The following PPP3CC variants were observed in gnomAD, a reference collection of about 807,000 sequenced individuals.
The protein encoded by PPP3CC is protein phosphatase 3 catalytic subunit gamma.
In PPP3CC, 35 loss-of-function variants were observed where a neutral mutation model predicts 60.3. The observed-to-expected ratio is 0.58, with a 90% CI of 0.44 to 0.77. The LOEUF is 0.77. PPP3CC is among the 30% of genes least tolerant of loss of function. PPP3CC has a pLI of 0.00. For synonymous variants in PPP3CC, 206 were observed against 224.3 expected (o/e 0.92, Z 0.73); for missense variants, 570 against 628.9 (o/e 0.91, Z 1.00).
At chr8:22,473,624 C>T (rs771291142) in intron 1 of PPP3CC, among the ~76,000 whole-genome samples, 28 of 151,754 alleles carry the variant, frequency 1.8e-4, no homozygotes, top group African/African-American at 6.3e-4. Flanking sequence ...CCATCACACC[C>T]GGCTAATTTT....
At chr8:22,529,455 T>C (rs946586698) in intron 10 of PPP3CC, among the ~76,000 whole-genome samples, 1 of 152,204 alleles carries the variant, frequency 6.6e-6, no homozygotes, top group Non-Finnish European at 1.5e-5. Flanking sequence ...TGGCAATGTT[T>C]ATCTCTCTTT....
chr8:22,478,098 C>T (rs1177887636), intron 3 of PPP3CC, among the ~76,000 whole-genome samples: 1 of 152,048 alleles, frequency 6.6e-6, no homozygotes, highest in African/African-American at 2.4e-5. Flanking sequence ...GGTCCACCCA[C>T]CTTGGCCTCC....
intron 13 of PPP3CC, 138 bp downstream of exon 13, chr8:22,539,636 ATGTT>A: frequency 1.2e-6 from 1 of 844,794 alleles, no homozygotes; most frequent in Non-Finnish European, 1.8e-6. Context: ...GTTTCTAGGC[ATGTT>A]AACGAAGCAG....
Position 22,527,401 on chromosome 8 carries a change from T to C in PPP3CC, c.953T>C (p.Leu318Ser). 3 of 1,613,898 alleles carry C rather than the reference T, an allele frequency of 1.9e-6. No homozygotes were observed. Among genetic ancestry groups the C allele is most frequent in the Non-Finnish European group, 2.5e-6 (3 of 1,179,854 alleles). Residue 318 changes from leucine to serine, a missense_variant, in exon 9 of 14, where the codon TTG (leucine) becomes TCG (serine). Transcript: ENST00000240139. ...CTTTTTTCCTTTTTAGCTGCTGTGT[T>C]GAAATATGAAAACAATGTCATGAAT... ...LDVYNNKAAVLKYENNVMNIR... is the reference protein window; with the variant it reads ...LDVYNNKAAVSKYENNVMNIR...
At chr8:22,508,432 A>G (rs2469760) in intron 4 of PPP3CC, among the ~76,000 whole-genome samples, 74,688 of 152,036 alleles carry the variant, frequency 0.49, 18,530 homozygotes, top group East Asian at 0.6. Context: ...TTGAAAAAAT[A>G]AACATGGTGA....
intron 3 of PPP3CC, chr8:22,493,153 A>G: frequency 7.1e-7 from 1 of 1,416,396 alleles, no homozygotes; most frequent in Non-Finnish European, 9.9e-7. Context: ...TGAAGAAGTT[A>G]TTGGGAGCTG....
At chr8:22,462,579 T>TC (rs1837393394) in intron 1 of PPP3CC, among the ~76,000 whole-genome samples, 1 of 151,708 alleles carries the variant, frequency 6.6e-6, no homozygotes, top group African/African-American at 2.4e-5. Flanking sequence ...TTTTTTCTTT[T>TC]TTTTTTTTTG....
intron 3 of PPP3CC, among the ~76,000 whole-genome samples, chr8:22,481,976 A>C (rs1838083721): frequency 6.6e-6 from 1 of 152,154 alleles, no homozygotes; most frequent in African/African-American, 2.4e-5. Flanking sequence ...ACTATTGTGA[A>C]TAGTGCTGCA....
At position 22,472,164 on chromosome 8, in the gene PPP3CC, C is replaced by T. The variant is rs576437017; in HGVS notation, c.50-2790C>T. Among the ~76,000 whole-genome samples the T allele has an allele frequency of 1.8e-4, 28 of 151,926 alleles. No individual in the cohort carries two copies. The South Asian group carries it at 1.9e-3, about 10-fold the overall frequency. ...TTTTTTTCTTTAATAATATATTAAA[C>T]TTAGCTTACTGTTAAGTTTTTACTT... On this transcript the variant is annotated intron_variant, in intron 1 of 13. Transcript: ENST00000240139.
chr8:22,478,040 C>T (rs186875668), intron 3 of PPP3CC, among the ~76,000 whole-genome samples: 5 of 152,146 alleles, frequency 3.3e-5, no homozygotes, highest in African/African-American at 4.8e-5. Flanking sequence ...TTAGTAGAGA[C>T]GGGGTTTCAC....
intron 3 of PPP3CC, among the ~76,000 whole-genome samples, chr8:22,476,605 T>G (rs1563711625): frequency 6.6e-6 from 1 of 152,196 alleles, no homozygotes; most frequent in Non-Finnish European, 1.5e-5. Flanking sequence ...TTTAGTTTTC[T>G]GTTAGATAGG....
At chr8:22,458,336 G>C (rs28511282) in intron 1 of PPP3CC, among the ~76,000 whole-genome samples, 1 of 151,984 alleles carries the variant, frequency 6.6e-6, no homozygotes, top group Admixed American at 6.6e-5. Context: ...GGTGGCTCAC[G>C]CCTGTAATCC....
intron 1 of PPP3CC, among the ~76,000 whole-genome samples, chr8:22,470,047 G>A (rs1328351433): frequency 3.5e-5 from 5 of 144,834 alleles, no homozygotes; most frequent in African/African-American, 5.2e-5. Flanking sequence ...AAATATGGGT[G>A]ATATATATAT....
chr8:22,492,647 C>A, intron 3 of PPP3CC: 1 of 668,416 alleles, frequency 1.5e-6, no homozygotes, highest in Non-Finnish European at 2.7e-6. Context: ...CCAGGAAAGA[C>A]TTGCCAAACT....
At chr8:22,507,765 A>G (rs1441625020) in intron 4 of PPP3CC, among the ~76,000 whole-genome samples, 1 of 152,212 alleles carries the variant, frequency 6.6e-6, no homozygotes, top group Admixed American at 6.5e-5. Flanking sequence ...TATTATGACC[A>G]TAGATAAGGA....
At chr8:22,445,720 C>G (rs1836800776) in intron 1 of PPP3CC, among the ~76,000 whole-genome samples, 1 of 151,886 alleles carries the variant, frequency 6.6e-6, no homozygotes, top group African/African-American at 2.4e-5. Context: ...GATACAATAC[C>G]AACCCAGAAG....
intron 1 of PPP3CC, among the ~76,000 whole-genome samples, chr8:22,466,832 A>G (rs954910263): frequency 1.3e-5 from 2 of 151,964 alleles, no homozygotes; most frequent in African/African-American, 2.4e-5. Context: ...GCCTCAACCT[A>G]TTGGGTTCCA....
intron 4 of PPP3CC, among the ~76,000 whole-genome samples, chr8:22,498,930 C>G (rs1425609158): frequency 6.6e-6 from 1 of 150,984 alleles, no homozygotes; most frequent in Non-Finnish European, 1.5e-5. Flanking sequence ...CAAGACCAGC[C>G]TGGCCAACAT....
chr8:22,483,778 C>A (rs1374488892), intron 3 of PPP3CC, among the ~76,000 whole-genome samples: 1 of 152,076 alleles, frequency 6.6e-6, no homozygotes, highest in Non-Finnish European at 1.5e-5. Flanking sequence ...ACATAAGATT[C>A]TTTGTCATAC....
Sources: gnomAD v4.1 joint callset for allele counts (sites outside exome capture counted in the v4.1 genomes callset) on GRCh38, gnomAD v4.1.1 for gene constraint, MANE v1.5 for transcripts, NCBI Gene and HGNC (gene_info 2026-07-23, HGNC 2026-07-21) for gene names.